Variants in CASK observed in about 807,000 individuals in gnomAD.
The protein encoded by CASK is calcium/calmodulin dependent serine protein kinase.
A neutral mutation model predicts 82.9 loss-of-function variants in CASK; 4 were observed. The ratio of observed to expected loss-of-function variants is 0.05; its 90% CI spans 0.02 to 0.11. The LOEUF is 0.11. Among genes scored for constraint, CASK ranks in the 10% least tolerant of loss-of-function variants. The probability of loss-of-function intolerance (pLI) is 1.00; values close to 1 mark genes in which losing one functional copy is unlikely to be tolerated. For synonymous variants in CASK, 259 were observed against 253.5 expected, an observed-to-expected ratio of 1.02 and a Z score of -0.20; for missense variants, 358 against 720.9, an observed-to-expected ratio of 0.50 and a Z score of 5.76.
At chrX:41,865,602 T>C (rs921630619) in intron 1 of CASK, among the ~76,000 whole-genome samples, 4 of 111,613 alleles carry the variant, frequency 3.6e-5, no homozygotes, top group Non-Finnish European at 7.5e-5. Context: ...TTGTGGTGCT[T>C]GCTATGACAA....
intron 2 of CASK, among the ~76,000 whole-genome samples, chrX:41,840,898 T>C (rs750489983): frequency 4.4e-5 from 5 of 112,514 alleles, no homozygotes; most frequent in East Asian, 2.8e-4. Context: ...GGTTGAACAA[T>C]AAATCTTCTA....
rs1330413708 is a variant in CASK at position 41,849,576 on chromosome X, G to A, written c.172+3539C>T. On this transcript the variant is annotated intron_variant, in intron 2 of 26. Coordinates refer to ENST00000378163, the MANE Select transcript of CASK (RefSeq NM_001367721.1). Reference sequence around the variant, plus strand: ...AAAGGAGAAATTCTAAATCATTTAGGAATAATATGCCTTTTTAGGAATCTA... The same window carrying A: ...AAAGGAGAAATTCTAAATCATTTAGAAATAATATGCCTTTTTAGGAATCTA... 2.7e-5 allele frequency among the ~76,000 whole-genome samples: 3 copies of A among 111,169 alleles called. No individual in the cohort carries two copies. In the East Asian group the frequency reaches 8.5e-4, roughly 31 times the overall value.
At chrX:41,729,386 A>T (rs2068327416) in intron 5 of CASK, 1 of 122,327 alleles carries the variant, frequency 8.2e-6, no homozygotes. Flanking sequence ...ATATTATTTT[A>T]ATCACCACAA....
intron 2 of CASK, among the ~76,000 whole-genome samples, chrX:41,831,021 T>C (rs1352266412): frequency 9.1e-6 from 1 of 109,944 alleles, no homozygotes; most frequent in Non-Finnish European, 1.9e-5. Context: ...ATCCCGAGAC[T>C]CCTCAGTAAA....
chrX:41,888,999 T>C (rs970390572), intron 1 of CASK, among the ~76,000 whole-genome samples: 3 of 109,873 alleles, frequency 2.7e-5, no homozygotes, highest in Non-Finnish European at 5.7e-5. Context: ...TTCCTTTGGG[T>C]AGATACCTAG....
chrX:41,574,373 T>C (rs1483026572), intron 15 of CASK, among the ~76,000 whole-genome samples: 1 of 111,623 alleles, frequency 9.0e-6, no homozygotes, highest in African/African-American at 3.3e-5. Context: ...CTGTCCTTAG[T>C]TGCCTGATGT....
At chrX:41,671,078 C>A (rs2067190989) in intron 6 of CASK, among the ~76,000 whole-genome samples, 1 of 111,381 alleles carries the variant, frequency 9.0e-6, no homozygotes, top group Non-Finnish European at 1.9e-5. Context: ...CAGTGTAAAC[C>A]AGGAAGTGGC....
At chrX:41,792,104 A>T (rs1420907161) in intron 2 of CASK, among the ~76,000 whole-genome samples, 1 of 111,424 alleles carries the variant, frequency 9.0e-6, no homozygotes, top group Non-Finnish European at 1.9e-5. Flanking sequence ...TGCCTATCAG[A>T]CTGGTCAAGT....
chrX:41,905,664 G>C (rs1386060311), intron 1 of CASK, among the ~76,000 whole-genome samples: 1 of 112,979 alleles, frequency 8.9e-6, no homozygotes, highest in African/African-American at 3.2e-5. Context: ...CTAAGGCTGG[G>C]TGGGACTAGC....
chrX:41,663,630 G>GT (rs2067070345), intron 7 of CASK, among the ~76,000 whole-genome samples: 1 of 111,771 alleles, frequency 8.9e-6, no homozygotes, highest in Admixed American at 9.5e-5. Flanking sequence ...ACATTGCCTT[G>GT]GAAACTAGGA....
At chrX:41,816,026 T>C (rs755720908) in intron 2 of CASK, among the ~76,000 whole-genome samples, 88 of 110,816 alleles carry the variant, frequency 7.9e-4, no homozygotes, top group South Asian at 1.9e-3. Context: ...ATGCCTGGCT[T>C]ATTTTTGTAT....
intron 22 of CASK, among the ~76,000 whole-genome samples, chrX:41,535,190 G>C (rs187319618): frequency 9.9e-5 from 11 of 110,627 alleles, no homozygotes; most frequent in South Asian, 3.9e-4. Flanking sequence ...TTAGAACCAG[G>C]GGCATCCAAA....
At chrX:41,689,245 C>T (rs763126793) in intron 5 of CASK, among the ~76,000 whole-genome samples, 1 of 111,834 alleles carries the variant, frequency 8.9e-6, no homozygotes, top group Admixed American at 9.5e-5. Flanking sequence ...TTGAATGACA[C>T]CTCTGCCTTG....
chrX:41,649,823 G>A (rs1242639286), intron 8 of CASK, among the ~76,000 whole-genome samples: 3 of 110,952 alleles, frequency 2.7e-5, no homozygotes, highest in Non-Finnish European at 5.7e-5. Context: ...TTTTTCTCTC[G>A]TTGATCTGTC....
At chrX:41,633,733 T>C (rs1162044238) in intron 9 of CASK, among the ~76,000 whole-genome samples, 2 of 109,938 alleles carry the variant, frequency 1.8e-5, no homozygotes, top group African/African-American at 3.3e-5. Flanking sequence ...CATGACTAAG[T>C]TACCAAAGTA....
chrX:41,869,838 C>CAAAAAAAAAAAAAAAAAA (rs2071670954), intron 1 of CASK, among the ~76,000 whole-genome samples: 4 of 44,188 alleles, frequency 9.1e-5, no homozygotes, highest in Non-Finnish European at 9.2e-5. Context: ...AAAAAAAAAG[C>CAAAAAAAAAAAAAAAAAA]CAAAATTTAA....
At chrX:41,797,357 C>T (rs1175722689) in intron 2 of CASK, among the ~76,000 whole-genome samples, 1 of 109,720 alleles carries the variant, frequency 9.1e-6, no homozygotes, top group African/African-American at 3.3e-5. Flanking sequence ...CCCACTTAGA[C>T]GTTGCCTCAA....
At chrX:41,692,047 C>G (rs2067576405) in intron 5 of CASK, among the ~76,000 whole-genome samples, 1 of 111,040 alleles carries the variant, frequency 9.0e-6, no homozygotes, top group Non-Finnish European at 1.9e-5. Flanking sequence ...GCGTGAGCCA[C>G]TGTACCTGGC....
chrX:41,619,420 C>T (rs1457985270), intron 11 of CASK, among the ~76,000 whole-genome samples: 2 of 110,424 alleles, frequency 1.8e-5, no homozygotes, highest in Non-Finnish European at 3.8e-5. Context: ...AAGGCATGAG[C>T]CACCATGACT....
Sources: allele counts gnomAD v4.1 joint callset (sites outside exome capture counted in the v4.1 genomes callset), GRCh38; gene constraint gnomAD v4.1.1; transcripts MANE v1.5; gene names NCBI Gene and HGNC (gene_info 2026-07-23, HGNC 2026-07-21).